The following MYO3B variants were observed in gnomAD, a reference collection of about 807,000 sequenced individuals.
MYO3B encodes myosin-IIIb.
Under a neutral mutation model 174.6 loss-of-function variants are expected in MYO3B, and 156 were observed. That is an observed-to-expected ratio of 0.89 (90% CI 0.78 to 1.02). The LOEUF (loss-of-function observed/expected upper bound fraction) is 1.02. MYO3B is among the 50% of genes least tolerant of loss of function. The pLI is 0.00. For missense variants in MYO3B, 1,632 were observed against 1,639.4 expected, an observed-to-expected ratio of 1.00 and a Z score of 0.08; for synonymous variants, 563 against 569.1, an observed-to-expected ratio of 0.99 and a Z score of 0.15.
In MYO3B at chr2:170,186,262, A is replaced by G. The variant is rs867821402; in HGVS notation, c.2+7973A>G. 2.6e-5 allele frequency among the ~76,000 whole-genome samples: 4 copies of G among 152,214 alleles called. No homozygotes were observed. In the Middle Eastern group the frequency reaches 0.01, roughly 388 times the overall value. On this transcript the variant is annotated intron_variant, in intron 1 of 34. Coordinates refer to ENST00000408978, the MANE Select transcript of MYO3B (RefSeq NM_138995.5). Reference sequence around the variant, plus strand: ...TCCCCATTCAGTATGTGGGTCTGTCATATGCAACTTTTATTGTATTGGGGT... The same window carrying G: ...TCCCCATTCAGTATGTGGGTCTGTCGTATGCAACTTTTATTGTATTGGGGT...
At chr2:170,416,818 G>GTTTTTTTTTTTTTTTT (rs552594236) in intron 22 of MYO3B, among the ~76,000 whole-genome samples, 1 of 116,124 alleles carries the variant, frequency 8.6e-6, no homozygotes, top group South Asian at 2.8e-4. Context: ...TTTTTCTGTT[G>GTTTTTTTTTTTTTTTT]TTTTTTTTTT....
chr2:170,190,802 C>T (rs1402475188), intron 1 of MYO3B, among the ~76,000 whole-genome samples: 2 of 152,050 alleles, frequency 1.3e-5, no homozygotes, highest in Non-Finnish European at 2.9e-5. Context: ...GAGCCAAGGC[C>T]TAGAACTGAG....
At chr2:170,517,107 T>A (rs1361312058) in intron 29 of MYO3B, among the ~76,000 whole-genome samples, 1 of 152,240 alleles carries the variant, frequency 6.6e-6, no homozygotes, top group Non-Finnish European at 1.5e-5. Flanking sequence ...TTGATAATCT[T>A]ATTTATCTCT....
intron 7 of MYO3B, among the ~76,000 whole-genome samples, chr2:170,312,815 T>G (rs781290968): frequency 6.6e-6 from 1 of 152,212 alleles, no homozygotes; most frequent in Non-Finnish European, 1.5e-5. Context: ...TTTGGGGGCA[T>G]GTTTCCCTAC....
intron 29 of MYO3B, among the ~76,000 whole-genome samples, chr2:170,516,959 T>G (rs1442568316): frequency 2.0e-5 from 3 of 152,230 alleles, no homozygotes; most frequent in Non-Finnish European, 4.4e-5. Context: ...TCTCTCTTTT[T>G]TTTCCTTCAT....
chr2:170,431,308 C>T lies in MYO3B; in HGVS notation c.2651-12659C>T, dbSNP rs149317021. On this transcript the variant is annotated intron_variant, in intron 22 of 34. Transcript: ENST00000408978. ...AGAGACTGACCTACTGCCGACGTGGCAATAAAATGCAGAAAACAGAGCAAC... is the reference window on the plus strand; with the variant it reads ...AGAGACTGACCTACTGCCGACGTGGTAATAAAATGCAGAAAACAGAGCAAC... Among the ~76,000 whole-genome samples the T allele has an allele frequency of 5.4e-4, 82 of 152,214 alleles. 2 individuals are homozygous for T. In the East Asian group the frequency reaches 0.015, roughly 28 times the overall value.
chr2:170,237,583 C>T (rs2093085615), intron 7 of MYO3B, among the ~76,000 whole-genome samples: 1 of 151,920 alleles, frequency 6.6e-6, no homozygotes, highest in Admixed American at 6.6e-5. Flanking sequence ...ACTCTATTGA[C>T]TCCACTTAGC....
At chr2:170,384,151 A>T (rs1033759593) in intron 12 of MYO3B, among the ~76,000 whole-genome samples, 1 of 152,246 alleles carries the variant, frequency 6.6e-6, no homozygotes, top group Admixed American at 6.5e-5. Flanking sequence ...AAAATAGCAT[A>T]TAGAATGGCA....
At position 170,329,230 on chromosome 2, in the gene MYO3B, AGTGT is replaced by A. The variant is rs72422629; in HGVS notation, c.750-6128_750-6125del. 2.4e-3 allele frequency among the ~76,000 whole-genome samples: 349 copies of A among 148,424 alleles called. 5 individuals are homozygous for A. Among genetic ancestry groups the A allele is most frequent in the East Asian group, 5.8e-3 (29 of 5,038 alleles). ...ACATTTACTTACAACACAGAAAAAC[AGTGT>A]GTGTGTGTGTGTGTGTGTGTGTGTG... On this transcript the variant is annotated intron_variant, in intron 7 of 34. Transcript: ENST00000408978.
At chr2:170,441,562 CTGCTGGT>C (rs763677368) in intron 22 of MYO3B, among the ~76,000 whole-genome samples, 3 of 152,188 alleles carry the variant, frequency 2.0e-5, no homozygotes, top group Admixed American at 1.3e-4. Context: ...GCCCCAAGGG[CTGCTGGT>C]TGCCCATTTT....
At chr2:170,437,177 C>T (rs1036862331) in intron 22 of MYO3B, among the ~76,000 whole-genome samples, 1 of 152,114 alleles carries the variant, frequency 6.6e-6, no homozygotes, top group Non-Finnish European at 1.5e-5. Context: ...CATTGGCCCC[C>T]AGGACTCAGA....
At chr2:170,277,512 G>A (rs1013182322) in intron 7 of MYO3B, among the ~76,000 whole-genome samples, 13 of 152,178 alleles carry the variant, frequency 8.5e-5, no homozygotes, top group Non-Finnish European at 1.6e-4. Flanking sequence ...ATTGCACAAA[G>A]AACTCACTGG....
intron 32 of MYO3B, among the ~76,000 whole-genome samples, chr2:170,555,110 T>C (rs1691194864): frequency 6.6e-6 from 1 of 152,244 alleles, no homozygotes; most frequent in African/African-American, 2.4e-5. Context: ...AAAAAGTTAA[T>C]AGAGTTTACT....
chr2:170,258,250 GAC>G (rs1410017325), intron 7 of MYO3B, among the ~76,000 whole-genome samples: 1 of 151,460 alleles, frequency 6.6e-6, no homozygotes, highest in Non-Finnish European at 1.5e-5. Flanking sequence ...ATACCAATGA[GAC>G]AGTGAAAAAA....
At chr2:170,232,331 C>T (rs2093024192) in intron 6 of MYO3B, among the ~76,000 whole-genome samples, 1 of 152,190 alleles carries the variant, frequency 6.6e-6, no homozygotes, top group South Asian at 2.1e-4. Context: ...GGATGTTGAC[C>T]TTCAGTTGCC....
intron 9 of MYO3B, among the ~76,000 whole-genome samples, chr2:170,378,991 A>G (rs1359673503): frequency 6.6e-6 from 1 of 152,224 alleles, no homozygotes; most frequent in Non-Finnish European, 1.5e-5. Flanking sequence ...GCATTCTGAC[A>G]AGGGTATTTA....
intron 7 of MYO3B, among the ~76,000 whole-genome samples, chr2:170,307,053 A>G (rs1228070595): frequency 2.6e-5 from 4 of 152,064 alleles, no homozygotes; most frequent in Non-Finnish European, 4.4e-5. Flanking sequence ...CCTGGGCAAC[A>G]TAGCAAAACC....
chr2:170,538,550 G>T (rs557749566), intron 30 of MYO3B, among the ~76,000 whole-genome samples: 27 of 152,342 alleles, frequency 1.8e-4, no homozygotes, highest in African/African-American at 6.3e-4. Flanking sequence ...ATTCTCAGCA[G>T]CCAGCTACTC....
intron 8 of MYO3B, chr2:170,340,086 C>T (rs891496495): frequency 6.6e-6 from 1 of 152,154 alleles, no homozygotes; most frequent in Non-Finnish European, 1.5e-5. Context: ...GTCAACTTCA[C>T]CTTGGTCCTA....
Sources: gnomAD v4.1 joint callset for allele counts (sites outside exome capture counted in the v4.1 genomes callset) on GRCh38, gnomAD v4.1.1 for gene constraint, MANE v1.5 for transcripts, NCBI Gene and HGNC (gene_info 2026-07-23, HGNC 2026-07-21) for gene names.